RMDN2: variants seen among roughly 807,000 people sequenced by gnomAD.
RMDN2 encodes regulator of microtubule dynamics 2.
RMDN2 carries 61 observed loss-of-function variants against 52.8 expected under a neutral mutation model. That is an observed-to-expected ratio of 1.16 (90% CI 0.94 to 1.43). The LOEUF (loss-of-function observed/expected upper bound fraction) is 1.43, where lower values mean the gene tolerates loss of function less well. Ranked by LOEUF, RMDN2 falls within the 40% of genes most tolerant of loss-of-function variation. The pLI is 0.00. For synonymous variants in RMDN2, 180 were observed against 153.1 expected (o/e 1.18, Z -1.30); for missense variants, 592 against 475.3 (o/e 1.25, Z -2.28).
intron 10 of RMDN2, among the ~76,000 whole-genome samples, chr2:38,056,696 C>T (rs904516899): frequency 1.3e-5 from 2 of 152,308 alleles, no homozygotes; most frequent in South Asian, 2.1e-4. Flanking sequence ...TAGGTGCATT[C>T]TTAGGCTATG....
chr2:38,049,454 G>T (rs1477115231), intron 10 of RMDN2, among the ~76,000 whole-genome samples: 1 of 152,218 alleles, frequency 6.6e-6, no homozygotes, highest in Non-Finnish European at 1.5e-5. Context: ...TGTGAAGGCT[G>T]TGGAAGTGAT....
intron 2 of RMDN2, among the ~76,000 whole-genome samples, chr2:37,936,896 A>C (rs1365695408): frequency 1.3e-5 from 2 of 152,140 alleles, no homozygotes; most frequent in African/African-American, 4.8e-5. Flanking sequence ...TCTCTAGTTT[A>C]ATTAGATCCC....
intron 10 of RMDN2, among the ~76,000 whole-genome samples, chr2:38,063,555 A>T (rs1682141862): frequency 6.6e-6 from 1 of 152,162 alleles, no homozygotes. Context: ...GACAAATGGG[A>T]TCTAATTAAA....
chr2:37,989,623 CTTT>C lies in RMDN2; in HGVS notation c.867+17_867+19del. On this transcript the variant is annotated splice_region_variant and intron_variant, in intron 6 of 10. Coordinates refer to ENST00000354545, the MANE Select transcript of RMDN2 (RefSeq NM_001170791.3). ...CTATGGGCACCTCTTCAAGGTATTTCTTTTTTTTTTTTCATATTTCTTTTCAGA... is the reference window on the plus strand; with the variant it reads ...CTATGGGCACCTCTTCAAGGTATTTCTTTTTTTTTCATATTTCTTTTCAGA... 8 of 1,289,052 alleles carry C rather than the reference CTTT, an allele frequency of 6.2e-6. No homozygotes were observed. The highest frequency in any genetic ancestry group is 2.2e-5 in the Admixed American group (1 of 45,660). 79.9% of individuals were successfully genotyped at this position (1,289,052 alleles called of 1,614,324 possible).
chr2:38,001,204 G>A (rs1407873726), intron 8 of RMDN2, among the ~76,000 whole-genome samples: 1 of 152,178 alleles, frequency 6.6e-6, no homozygotes, highest in African/African-American at 2.4e-5. Context: ...CACATAACTA[G>A]TGCCAAACAT....
rs377069116 is a variant in RMDN2 at position 38,012,831 on chromosome 2, C to G, written c.1180-4355C>G. 3.9e-5 allele frequency among the ~76,000 whole-genome samples: 6 copies of G among 152,218 alleles called. No individual in the cohort carries two copies. The East Asian group carries it at 1.2e-3, about 29-fold the overall frequency. On this transcript the variant is annotated intron_variant, in intron 10 of 10. Transcript: ENST00000354545. ...AATGCCACTAGTTACAAGAGGACAA[C>G]CTAGCCATCAGTTTACTCTCTCGTG...
At chr2:38,038,277 T>G (rs1374191) in intron 10 of RMDN2, among the ~76,000 whole-genome samples, 107,431 of 152,098 alleles carry the variant, frequency 0.71, 39,591 homozygotes, top group African/African-American at 0.92. Flanking sequence ...GGGGGACGCG[T>G]TCAAGCGAGG....
chr2:38,042,245 T>C (rs1180384159), intron 10 of RMDN2, among the ~76,000 whole-genome samples: 1 of 152,170 alleles, frequency 6.6e-6, no homozygotes, highest in African/African-American at 2.4e-5. Context: ...AAGCTATTTA[T>C]ACTCTTTCTT....
intron 10 of RMDN2, chr2:38,029,546 C>T (rs1030144326): frequency 6.6e-6 from 1 of 151,140 alleles, no homozygotes; most frequent in Non-Finnish European, 1.5e-5. Flanking sequence ...GCTCAATTAA[C>T]ATTTGTTAAA....
chr2:38,000,054 A>C (rs1286686920), intron 8 of RMDN2, among the ~76,000 whole-genome samples: 1 of 152,206 alleles, frequency 6.6e-6, no homozygotes, highest in Non-Finnish European at 1.5e-5. Context: ...ACTAAAAATC[A>C]ATGTTAGCTA....
At chr2:37,964,241 G>A (rs116742072) in intron 2 of RMDN2, among the ~76,000 whole-genome samples, 124 of 152,330 alleles carry the variant, frequency 8.1e-4, no homozygotes, top group African/African-American at 3.0e-3. Flanking sequence ...GGGCGGAGGG[G>A]CTCCTCCATA....
chr2:38,041,695 A>C (rs542836867), intron 10 of RMDN2, among the ~76,000 whole-genome samples: 11 of 152,158 alleles, frequency 7.2e-5, no homozygotes, highest in Non-Finnish European at 1.5e-4. Context: ...TTCTGCATTG[A>C]TTGATATGAT....
intron 2 of RMDN2, among the ~76,000 whole-genome samples, chr2:37,931,175 G>T (rs1666709286): frequency 6.6e-6 from 1 of 152,098 alleles, no homozygotes; most frequent in Admixed American, 6.5e-5. Flanking sequence ...ATCATTTGTG[G>T]CTCTGCCCTA....
intron 2 of RMDN2, among the ~76,000 whole-genome samples, chr2:37,932,106 G>A (rs113393897): frequency 2.0e-5 from 3 of 151,324 alleles, no homozygotes; most frequent in Non-Finnish European, 4.4e-5. Flanking sequence ...GGTGTTTCTC[G>A]CAGAGGGGGA....
intron 2 of RMDN2, among the ~76,000 whole-genome samples, chr2:37,944,399 T>G (rs764171363): frequency 1.6e-4 from 24 of 151,914 alleles, no homozygotes; most frequent in Non-Finnish European, 3.1e-4. Context: ...ACTCTGCCAT[T>G]GTAGTGTGAA....
chr2:38,000,120 C>G (rs1418780733), intron 8 of RMDN2, among the ~76,000 whole-genome samples: 1 of 152,180 alleles, frequency 6.6e-6, no homozygotes, highest in Non-Finnish European at 1.5e-5. Context: ...CTCAAAGCAT[C>G]TAGGGAGGTG....
At chr2:38,007,212 G>T (rs1013318794) in intron 10 of RMDN2, among the ~76,000 whole-genome samples, 1 of 152,046 alleles carries the variant, frequency 6.6e-6, no homozygotes, top group Non-Finnish European at 1.5e-5. Flanking sequence ...GGATGATGCT[G>T]GCCTCATAAA....
intron 10 of RMDN2, among the ~76,000 whole-genome samples, chr2:38,044,646 G>T (rs185480641): frequency 7.9e-5 from 12 of 151,824 alleles, no homozygotes; most frequent in African/African-American, 2.7e-4. Context: ...TTCAAGGTCA[G>T]TGATTCTTTA....
chr2:37,961,195 T>A (rs1237218709), intron 2 of RMDN2, among the ~76,000 whole-genome samples: 1 of 152,116 alleles, frequency 6.6e-6, no homozygotes, highest in African/African-American at 2.4e-5. Context: ...GGAGTATCTT[T>A]GTGGTGTTCT....
Sources: gnomAD v4.1 joint callset for allele counts (sites outside exome capture counted in the v4.1 genomes callset) on GRCh38, gnomAD v4.1.1 for gene constraint, MANE v1.5 for transcripts, NCBI Gene and HGNC (gene_info 2026-07-23, HGNC 2026-07-21) for gene names.